The following DPYSL5 variants were observed in gnomAD, a reference collection of about 807,000 sequenced individuals.
The protein encoded by DPYSL5 is dihydropyrimidinase like 5.
A neutral mutation model predicts 58.4 loss-of-function variants in DPYSL5; 9 were observed. The ratio of observed to expected loss-of-function variants is 0.15; its 90% CI spans 0.09 to 0.27. DPYSL5 has a LOEUF of 0.27. Ranked by LOEUF, DPYSL5 falls within the 10% of genes least tolerant of loss-of-function variation. The pLI is 1.00. For synonymous variants in DPYSL5, 293 were observed against 301.9 expected (o/e 0.97, Z 0.31); for missense variants, 499 against 770.6 (o/e 0.65, Z 4.17).
In DPYSL5 at chr2:26,934,790, T is replaced by C; in HGVS notation, c.947+56T>C. ...TGTGTACATCTTTAGGAAGACGTCA[T>C]AGAGGGCCCAGGAAACAAATCTGAG... On this transcript the variant is annotated intron_variant, in intron 8 of 12. Coordinates refer to ENST00000288699, the MANE Select transcript of DPYSL5 (RefSeq NM_020134.4). This position sits in a 1 kb window ranked among gnomAD's most constrained non-coding sequence, Gnocchi z 4.3. The C allele has an allele frequency of 6.3e-7, 1 of 1,593,014 alleles. No homozygotes were observed. Among genetic ancestry groups the C allele is most frequent in the Non-Finnish European group, 8.6e-7 (1 of 1,167,430 alleles).
At chr2:26,858,682 C>T (rs1367362383) in intron 1 of DPYSL5, among the ~76,000 whole-genome samples, 1 of 151,456 alleles carries the variant, frequency 6.6e-6, no homozygotes, top group Admixed American at 6.6e-5. Flanking sequence ...TCTCACCTCA[C>T]CCTCCCAAGT....
rs1665517968 is a variant in DPYSL5, at chr2:26,947,436, G to A, written c.*441G>A. ...AAAGGCCTCCTCCCCCACCCCTTAG[G>A]CCCCGTGGTGACATTTCCCAAGTCA... is the stretch of plus-strand genomic sequence containing the variant. On this transcript the variant is annotated 3_prime_UTR_variant, in exon 13 of 13. Transcript: ENST00000288699. This position sits in a 1 kb window ranked among gnomAD's most constrained non-coding sequence, Gnocchi z 4.2. 6.4e-6 allele frequency: 1 copy of A among 156,424 alleles called. No individual in the cohort carries two copies. 9.7% of individuals were successfully genotyped at this position (156,424 alleles called of 1,614,324 possible). A position where few individuals can be genotyped will look rare whatever the true frequency, so the allele number is the denominator to read the frequency against.
chr2:26,934,140 C>T lies in DPYSL5; in HGVS notation c.791-438C>T, dbSNP rs964437164. ...GTCTCCCTGTCCTCCAGCCCTGCTA[C>T]GGCCCTCCCTGTCCTACCACAACCG... On this transcript the variant is annotated intron_variant, in intron 7 of 12. Transcript: ENST00000288699. This position sits in a 1 kb window ranked among gnomAD's most constrained non-coding sequence, Gnocchi z 4.3. Among the ~76,000 whole-genome samples the T allele has an allele frequency of 2.0e-5, 3 of 152,186 alleles. No homozygotes were observed. Among genetic ancestry groups the T allele is most frequent in the African/African-American group, 4.8e-5 (2 of 41,452 alleles).
rs1234691979 is a variant in DPYSL5 at position 26,944,149 on chromosome 2, C to T, written c.1441-507C>T. ...ATTAAAAATACAAAAATTAGTCAGG[C>T]ACGGTGGCAGGCGCCTGTAATCCTA... On this transcript the variant is annotated intron_variant, in intron 11 of 12. Coordinates refer to ENST00000288699, the MANE Select transcript of DPYSL5 (RefSeq NM_020134.4). This position sits in a 1 kb window ranked among gnomAD's most constrained non-coding sequence, Gnocchi z 4.4. Among the ~76,000 whole-genome samples, 1 of 152,076 alleles carries T rather than the reference C, an allele frequency of 6.6e-6. No homozygotes were observed. Among genetic ancestry groups the T allele is most frequent in the African/African-American group, 2.4e-5 (1 of 41,416 alleles).
chr2:26,924,430 A>T lies in DPYSL5; in HGVS notation c.262-457A>T, dbSNP rs1433315900. On this transcript the variant is annotated intron_variant, in intron 2 of 12. Coordinates refer to ENST00000288699, the MANE Select transcript of DPYSL5 (RefSeq NM_020134.4). The surrounding 1 kb of genome is among the most constrained non-coding windows in gnomAD (Gnocchi z 4.7). Reference sequence around the variant, plus strand: ...TATCGTGGTTCAAATATACGTGTGTAACTAAGTAAATGATATAAACAGACA... The same window carrying T: ...TATCGTGGTTCAAATATACGTGTGTTACTAAGTAAATGATATAAACAGACA... Among the ~76,000 whole-genome samples the T allele has an allele frequency of 6.6e-6, 1 of 152,222 alleles. No homozygotes were observed. Among genetic ancestry groups the T allele is most frequent in the East Asian group, 1.9e-4 (1 of 5,204 alleles).
rs1283445677 is a variant in DPYSL5, at chr2:26,905,789, G to C, written c.261+7029G>C. Among the ~76,000 whole-genome samples the C allele has an allele frequency of 6.6e-6, 1 of 152,184 alleles. No homozygotes were observed. Among genetic ancestry groups the C allele is most frequent in the Non-Finnish European group, 1.5e-5 (1 of 68,022 alleles). On this transcript the variant is annotated intron_variant, in intron 2 of 12. Coordinates refer to ENST00000288699, the MANE Select transcript of DPYSL5 (RefSeq NM_020134.4). This position sits in a 1 kb window ranked among gnomAD's most constrained non-coding sequence, Gnocchi z 4.0. ...GTAGAGGGTATATTAGTTTTCTGCT[G>C]TGTAACTAATTGCCTCAAGTTCAGC... is the stretch of plus-strand genomic sequence containing the variant.
intron 1 of DPYSL5, among the ~76,000 whole-genome samples, chr2:26,862,630 C>G (rs79243986): frequency 0.025 from 3,773 of 152,284 alleles, 154 homozygotes; most frequent in African/African-American, 0.087. Flanking sequence ...CTTCCCCCTC[C>G]CCATCCCTAC....
At chr2:26,939,990 C>T (rs763734421) in intron 8 of DPYSL5, 41 bp from the exon 9 acceptor site, 3 of 1,612,396 alleles carry the variant, frequency 1.9e-6, no homozygotes, top group South Asian at 2.2e-5. Context: ...AAGTTCCTCA[C>T]CTCCCCTCCC....
chr2:26,871,974 C>G (rs827884), intron 1 of DPYSL5, among the ~76,000 whole-genome samples: 65,160 of 151,952 alleles, frequency 0.43, 14,427 homozygotes, highest in African/African-American at 0.5. Flanking sequence ...GCTAAAAAGA[C>G]AGATTAGTAA....
At chr2:26,852,766 A>T (rs1665787853) in intron 1 of DPYSL5, among the ~76,000 whole-genome samples, 1 of 152,174 alleles carries the variant, frequency 6.6e-6, no homozygotes. Context: ...ACTTTTAATG[A>T]CAAAAACTGC....
At chr2:26,858,257 C>G (rs1023645428) in intron 1 of DPYSL5, among the ~76,000 whole-genome samples, 1 of 150,906 alleles carries the variant, frequency 6.6e-6, no homozygotes. Context: ...CTGCAAGCTC[C>G]GCCTCCTGGG....
At chr2:26,943,823 T>C (rs1388752351) in intron 11 of DPYSL5, among the ~76,000 whole-genome samples, 1 of 152,250 alleles carries the variant, frequency 6.6e-6, no homozygotes, top group Non-Finnish European at 1.5e-5. Flanking sequence ...GACTCCTAAC[T>C]CTACTGCCTT....
intron 1 of DPYSL5, among the ~76,000 whole-genome samples, chr2:26,868,668 C>T (rs1410316659): frequency 6.6e-6 from 1 of 152,148 alleles, no homozygotes; most frequent in Non-Finnish European, 1.5e-5. Context: ...ATTCTGCTCT[C>T]CTTATCTGTT....
rs889477656 is a variant in DPYSL5 at position 26,944,345 on chromosome 2, C to T, written c.1441-311C>T. Among the ~76,000 whole-genome samples the T allele has an allele frequency of 4.6e-5, 7 of 152,174 alleles. No individual in the cohort carries two copies. Among genetic ancestry groups the T allele is most frequent in the Non-Finnish European group, 1.0e-4 (7 of 68,026 alleles). Reference sequence around the variant, plus strand: ...TTCCTCAGATGTCTACCTGCTACCTCGGTGAGGCTTCCATCAGTGTTGAGG... The same window carrying T: ...TTCCTCAGATGTCTACCTGCTACCTTGGTGAGGCTTCCATCAGTGTTGAGG... On this transcript the variant is annotated intron_variant, in intron 11 of 12. Coordinates refer to ENST00000288699, the MANE Select transcript of DPYSL5 (RefSeq NM_020134.4). The surrounding 1 kb of genome is among the most constrained non-coding windows in gnomAD (Gnocchi z 4.4).
At chr2:26,891,826 C>T (rs1431079660) in intron 1 of DPYSL5, among the ~76,000 whole-genome samples, 1 of 152,054 alleles carries the variant, frequency 6.6e-6, no homozygotes, top group Admixed American at 6.5e-5. Context: ...GCATGCACTA[C>T]CACGCCCAGC....
At position 26,898,514 on chromosome 2, in the gene DPYSL5, A is replaced by C; in HGVS notation, c.15A>C (p.Ser5=). The C allele has an allele frequency of 6.2e-7, 1 of 1,613,974 alleles. No individual in the cohort carries two copies. The highest frequency in any genetic ancestry group is 1.1e-5 in the South Asian group (1 of 91,070). ...CTTGTAGGAACATGCTTGCCAACTC[A>C]GCCAGCGTGAGGATCCTCATCAAGG... MLAN[S]ASVRILIKGG... The change falls in exon 2 of 13, where the codon TCA becomes TCC. Residue 5 remains serine, a synonymous_variant. Transcript: ENST00000288699. This position sits in a 1 kb window ranked among gnomAD's most constrained non-coding sequence, Gnocchi z 6.1.
At chr2:26,884,328 T>A (rs771981543) in intron 1 of DPYSL5, among the ~76,000 whole-genome samples, 2 of 152,048 alleles carry the variant, frequency 1.3e-5, no homozygotes, top group Non-Finnish European at 2.9e-5. Flanking sequence ...GAAGTGGGAT[T>A]TACTCACACT....
intron 6 of DPYSL5, among the ~76,000 whole-genome samples, chr2:26,932,208 A>AAAGAAAG (rs1178078504): frequency 2.0e-4 from 14 of 70,218 alleles, no homozygotes; most frequent in African/African-American, 7.4e-4. Context: ...AGAAAGAAAG[A>AAAGAAAG]AAAGAAAGAA....
intron 1 of DPYSL5, among the ~76,000 whole-genome samples, chr2:26,859,820 G>T (rs1481537896): frequency 6.6e-6 from 1 of 152,162 alleles, no homozygotes; most frequent in African/African-American, 2.4e-5. Flanking sequence ...TGTTAGTGCT[G>T]CCTGGCAAGG....
Sources: allele counts gnomAD v4.1 joint callset (sites outside exome capture counted in the v4.1 genomes callset), GRCh38; gene constraint gnomAD v4.1.1; non-coding constraint Gnocchi (gnomAD v3.1); transcripts MANE v1.5; gene names NCBI Gene and HGNC (gene_info 2026-07-23, HGNC 2026-07-21).